SIL1: variants seen among roughly 807,000 people sequenced by gnomAD.
The protein encoded by SIL1 is nucleotide exchange factor SIL1.
In SIL1, 40 loss-of-function variants were observed where a neutral mutation model predicts 49.1. The observed-to-expected ratio is 0.81, with a 90% CI of 0.63 to 1.06. SIL1 has a LOEUF of 1.06. SIL1 is among the 50% of genes least tolerant of loss of function. The pLI, the probability that SIL1 is intolerant of heterozygous loss-of-function variation, is 0.00. For synonymous variants in SIL1, 253 were observed against 250.8 expected, an observed-to-expected ratio of 1.01 and a Z score of -0.08; for missense variants, 500 against 572.6, an observed-to-expected ratio of 0.87 and a Z score of 1.29.
intron 3 of SIL1, among the ~76,000 whole-genome samples, chr5:139,055,961 C>G (rs367809674): frequency 6.6e-6 from 1 of 152,016 alleles, no homozygotes; most frequent in Non-Finnish European, 1.5e-5. Flanking sequence ...ACAGAGTCTC[C>G]TTCACTCAGT....
chr5:139,147,403 C>T (rs1426964720), intron 1 of SIL1, among the ~76,000 whole-genome samples: 1 of 152,168 alleles, frequency 6.6e-6, no homozygotes, highest in African/African-American at 2.4e-5. Flanking sequence ...CAGCACACCA[C>T]ACAGCTTAGA....
chr5:139,087,235 G>A (rs1305045466), intron 3 of SIL1, among the ~76,000 whole-genome samples: 3 of 152,036 alleles, frequency 2.0e-5, no homozygotes, highest in Non-Finnish European at 4.4e-5. Context: ...CCACCCTCTA[G>A]GCATTACTTC....
chr5:139,029,701 T>C (rs918542135), intron 5 of SIL1, among the ~76,000 whole-genome samples: 1 of 151,760 alleles, frequency 6.6e-6, no homozygotes, highest in East Asian at 2.0e-4. Context: ...GGTTTCGCCA[T>C]GTTGCCCAGG....
intron 9 of SIL1, 44 bp downstream of exon 9, chr5:138,951,123 GCACA>G: frequency 6.3e-7 from 1 of 1,593,648 alleles, no homozygotes; most frequent in Non-Finnish European, 8.6e-7. Context: ...CCACCCAGAA[GCACA>G]CACAAAGCAA....
intron 1 of SIL1, chr5:139,196,375 A>G (rs956904241): frequency 1.3e-5 from 2 of 152,172 alleles, no homozygotes; most frequent in Admixed American, 6.5e-5. Flanking sequence ...ACATCACTCT[A>G]AAGGAGAACA....
At chr5:139,134,156 C>T (rs1750924843) in intron 1 of SIL1, among the ~76,000 whole-genome samples, 1 of 152,186 alleles carries the variant, frequency 6.6e-6, no homozygotes, top group South Asian at 2.1e-4. Context: ...CTCACTCTGT[C>T]ACCCAGGCTG....
At chr5:139,189,238 CAA>C (rs922625513) in intron 1 of SIL1, among the ~76,000 whole-genome samples, 1 of 152,210 alleles carries the variant, frequency 6.6e-6, no homozygotes, top group African/African-American at 2.4e-5. Context: ...AGTGAGTGAG[CAA>C]AGCTTCATCT....
intron 3 of SIL1, among the ~76,000 whole-genome samples, chr5:139,095,321 T>C (rs2151778838): frequency 6.7e-6 from 1 of 149,066 alleles, no homozygotes; most frequent in East Asian, 2.0e-4. Context: ...TGGAGTACGG[T>C]GGTGCGATCT....
At chr5:139,184,550 C>T (rs1281575073) in intron 1 of SIL1, among the ~76,000 whole-genome samples, 1 of 152,030 alleles carries the variant, frequency 6.6e-6, no homozygotes, top group Non-Finnish European at 1.5e-5. Context: ...GTGGCACATG[C>T]CTATAGTCCC....
intron 5 of SIL1, chr5:139,035,491 C>G (rs1359400784): frequency 1.9e-6 from 1 of 537,678 alleles, no homozygotes; most frequent in Non-Finnish European, 3.7e-6. Context: ...CCCCTCCAGT[C>G]ACCGGCTGCC....
intron 8 of SIL1, 129 bp downstream of exon 8, chr5:138,951,659 C>A (rs930338507): frequency 6.6e-6 from 6 of 915,830 alleles, no homozygotes; most frequent in East Asian, 4.9e-5. Flanking sequence ...GTAACTTCTC[C>A]CCCTGTGCCA....
At chr5:139,192,160 T>G (rs1267257545) in intron 1 of SIL1, among the ~76,000 whole-genome samples, 1 of 135,020 alleles carries the variant, frequency 7.4e-6, no homozygotes, top group African/African-American at 2.8e-5. Flanking sequence ...GAGGTTGAGG[T>G]GGAAGGATTG....
intron 7 of SIL1, among the ~76,000 whole-genome samples, chr5:138,979,237 G>A (rs1002321278): frequency 1.3e-5 from 2 of 151,906 alleles, no homozygotes; most frequent in East Asian, 1.9e-4. Flanking sequence ...GCTAATTTCT[G>A]TATTTTTAGT....
chr5:139,007,132 T>G (rs1276293381), intron 7 of SIL1, among the ~76,000 whole-genome samples: 1 of 146,208 alleles, frequency 6.8e-6, no homozygotes, highest in East Asian at 1.9e-4. Flanking sequence ...CTCTTTTATT[T>G]CATTGAGCAG....
intron 1 of SIL1, among the ~76,000 whole-genome samples, chr5:139,168,868 G>A (rs748796955): frequency 2.0e-4 from 30 of 151,742 alleles, no homozygotes; most frequent in Admixed American, 3.9e-4. Context: ...AGGCTGAGGT[G>A]GGAGAATCAC....
chr5:139,085,173 C>A (rs781774006), intron 3 of SIL1, among the ~76,000 whole-genome samples: 1 of 152,068 alleles, frequency 6.6e-6, no homozygotes, highest in Non-Finnish European at 1.5e-5. Flanking sequence ...TGAAAAGTAG[C>A]ATGAACAAAA....
At chr5:139,095,305 C>T (rs909772843) in intron 3 of SIL1, among the ~76,000 whole-genome samples, 27 of 149,106 alleles carry the variant, frequency 1.8e-4, no homozygotes, top group Middle Eastern at 6.8e-3. Context: ...ACTCTGTCTC[C>T]CAGGCTGGAG....
At chr5:139,159,723 C>T (rs563676346) in intron 1 of SIL1, among the ~76,000 whole-genome samples, 42 of 152,150 alleles carry the variant, frequency 2.8e-4, no homozygotes, top group African/African-American at 9.2e-4. Context: ...GAAGAGAGAC[C>T]TTTGGAAGCT....
At chr5:139,184,398 C>A (rs186818191) in intron 1 of SIL1, among the ~76,000 whole-genome samples, 64 of 152,258 alleles carry the variant, frequency 4.2e-4, no homozygotes, top group African/African-American at 1.5e-3. Context: ...TGTGGCCAGG[C>A]ACAGTGGCTC....
Sources: allele counts gnomAD v4.1 joint callset (sites outside exome capture counted in the v4.1 genomes callset), GRCh38; gene constraint gnomAD v4.1.1; transcripts MANE v1.5; gene names NCBI Gene and HGNC (gene_info 2026-07-23, HGNC 2026-07-21).